The following ABCG2 variants were observed in gnomAD, a reference collection of about 807,000 sequenced individuals.
ABCG2 encodes broad substrate specificity ATP-binding cassette transporter ABCG2.
In ABCG2, 80 loss-of-function variants were observed where a neutral mutation model predicts 73.5. The ratio of observed to expected loss-of-function variants is 1.09; its 90% CI spans 0.91 to 1.31. ABCG2 has a LOEUF of 1.31. ABCG2 is among the 50% of genes most tolerant of loss of function. The pLI, the probability that ABCG2 is intolerant of heterozygous loss-of-function variation, is 0.00. For synonymous variants in ABCG2, 269 were observed against 282.4 expected (o/e 0.95, Z 0.48); for missense variants, 796 against 786.2 (o/e 1.01, Z -0.15).
At chr4:88,213,982 C>CTTTTTTTTTTTT (rs33984842) in intron 1 of ABCG2, among the ~76,000 whole-genome samples, 1 of 59,622 alleles carries the variant, frequency 1.7e-5, no homozygotes, top group Non-Finnish European at 3.0e-5. Flanking sequence ...CACGCCCGGC[C>CTTTTTTTTTTTT]TTTTTTTTTT....
chr4:88,210,595 C>T (rs200808188), intron 1 of ABCG2, among the ~76,000 whole-genome samples: 1 of 146,258 alleles, frequency 6.8e-6, no homozygotes, highest in East Asian at 2.0e-4. Context: ...TTTTTCTTTT[C>T]TTTTTTTTTT....
intron 1 of ABCG2, among the ~76,000 whole-genome samples, chr4:88,223,219 C>T (rs2110132289): frequency 6.6e-6 from 1 of 152,226 alleles, no homozygotes; most frequent in South Asian, 2.1e-4. Context: ...TGAGTTAAGA[C>T]TTTGGGGGAC....
chr4:88,151,463 G>T (rs1348587065), intron 1 of ABCG2, among the ~76,000 whole-genome samples: 1 of 152,214 alleles, frequency 6.6e-6, no homozygotes, highest in Non-Finnish European at 1.5e-5. Context: ...CAGAGGCTGG[G>T]TGCAGTGGCT....
chr4:88,173,239 G>A (rs1486444565), intron 1 of ABCG2, among the ~76,000 whole-genome samples: 1 of 152,056 alleles, frequency 6.6e-6, no homozygotes, highest in Non-Finnish European at 1.5e-5. Flanking sequence ...TCAACTAGTG[G>A]CCAATCTTTG....
At chr4:88,139,578 T>C (rs1725482177) in intron 2 of ABCG2, among the ~76,000 whole-genome samples, 1 of 152,186 alleles carries the variant, frequency 6.6e-6, no homozygotes, top group South Asian at 2.1e-4. Flanking sequence ...TTTAAAAAAG[T>C]CTGGCAGTTA....
intron 1 of ABCG2, among the ~76,000 whole-genome samples, chr4:88,208,914 A>C (rs1042742558): frequency 6.6e-6 from 1 of 152,340 alleles, no homozygotes; most frequent in Admixed American, 6.5e-5. Flanking sequence ...AATTGGTCTT[A>C]ACCAATTAAC....
chr4:88,150,702 A>G (rs901821616), intron 1 of ABCG2, among the ~76,000 whole-genome samples: 1 of 152,226 alleles, frequency 6.6e-6, no homozygotes, highest in Non-Finnish European at 1.5e-5. Flanking sequence ...AAGAAAGTTT[A>G]CTAATTTGTG....
chr4:88,152,157 C>T (rs1726539039), intron 1 of ABCG2, among the ~76,000 whole-genome samples: 1 of 152,136 alleles, frequency 6.6e-6, no homozygotes, highest in Admixed American at 6.5e-5. Flanking sequence ...CTCACATATG[C>T]ATTATTTGTT....
intron 1 of ABCG2, among the ~76,000 whole-genome samples, chr4:88,177,572 C>T (rs961389824): frequency 5.3e-5 from 8 of 152,058 alleles, no homozygotes; most frequent in Admixed American, 2.0e-4. Context: ...CAAATTGAAC[C>T]ACTATCTACC....
intron 1 of ABCG2, among the ~76,000 whole-genome samples, chr4:88,230,730 C>CA (rs1730433621): frequency 6.6e-6 from 1 of 151,974 alleles, no homozygotes; most frequent in Non-Finnish European, 1.5e-5. Context: ...TCCAAAAATG[C>CA]AAAAAACTGA....
intron 9 of ABCG2, among the ~76,000 whole-genome samples, chr4:88,113,079 C>G (rs2622622): frequency 0.25 from 37,400 of 152,080 alleles, 5,290 homozygotes; most frequent in South Asian, 0.34. Context: ...CCACCACACT[C>G]CAGCCTGGGC....
At chr4:88,230,308 T>TATATATATATATATATATATATATA (rs746680651) in intron 1 of ABCG2, among the ~76,000 whole-genome samples, 1,540 of 95,594 alleles carry the variant, frequency 0.016, 108 homozygotes, top group Middle Eastern at 0.032. Flanking sequence ...TATATATATA[T>TATATATATATATATATATATATATA]TTTTTTTTTT....
At chr4:88,186,146 T>C (rs1728446118) in intron 1 of ABCG2, among the ~76,000 whole-genome samples, 1 of 152,054 alleles carries the variant, frequency 6.6e-6, no homozygotes, top group Non-Finnish European at 1.5e-5. Context: ...ATAAAGAAAA[T>C]ATGCTACTTA....
intron 1 of ABCG2, among the ~76,000 whole-genome samples, chr4:88,165,867 C>T (rs552541775): frequency 2.2e-4 from 33 of 151,040 alleles, no homozygotes; most frequent in Non-Finnish European, 4.6e-4. Flanking sequence ...GAGTGAGACT[C>T]CATCTCAAAA....
At position 88,118,126 on chromosome 4, in the gene ABCG2, C is replaced by T. The variant is rs2110016048; in HGVS notation, c.824G>A (p.Gly275Glu). The T allele has an allele frequency of 6.2e-7, 1 of 1,613,510 alleles. No homozygotes were observed. The highest frequency in any genetic ancestry group is 8.5e-7 in the Non-Finnish European group (1 of 1,179,818). Residue 275 changes from glycine (G) to glutamate (E), a missense_variant, in exon 7 of 16, where the codon GGA becomes GAA. Gly to Glu is a moderately conservative substitution (Grantham distance 98). Coordinates refer to ENST00000237612, the MANE Select transcript of ABCG2 (RefSeq NM_004827.3). ...MFHGPAQEAL[G>E]YFESAGYHCE... ...AACCATACCAGCTGATTCAAAGTAT[C>T]CCAAGGCCTCCTGAGCAGGCCCGTG...
intron 1 of ABCG2, among the ~76,000 whole-genome samples, chr4:88,146,192 C>T (rs1310726290): frequency 1.3e-5 from 2 of 152,064 alleles, no homozygotes; most frequent in African/African-American, 4.8e-5. Context: ...AACAACGTAT[C>T]GCTGTTAGGT....
rs142334415 is a variant in ABCG2 at position 88,119,880 on chromosome 4, C to T, written c.690-1620G>A. 1.6e-3 allele frequency among the ~76,000 whole-genome samples: 238 copies of T among 152,268 alleles called. No individual in the cohort carries two copies. In the East Asian group the frequency reaches 0.03, roughly 19 times the overall value. On this transcript the variant is annotated intron_variant, in intron 6 of 15. Coordinates refer to ENST00000237612, the MANE Select transcript of ABCG2 (RefSeq NM_004827.3). The stretch of plus-strand genomic sequence containing the variant: ...TGATGATGCGATAAAAAAGAAAAAC[C>T]CATTTTCTGAAGAGAAATTCAAGCC...
At chr4:88,107,390 C>T (rs117761897) in intron 9 of ABCG2, 124 bp from the exon 10 acceptor site, 1 of 637,986 alleles carries the variant, frequency 1.6e-6, no homozygotes, top group East Asian at 3.1e-5. Context: ...GATAAACACT[C>T]AATGGCTTGG....
intron 10 of ABCG2, among the ~76,000 whole-genome samples, chr4:88,106,131 G>A (rs544243687): frequency 6.6e-6 from 1 of 152,148 alleles, no homozygotes; most frequent in Admixed American, 6.6e-5. Flanking sequence ...AACTAAAATA[G>A]GGTTTTTTTT....
Sources: allele counts gnomAD v4.1 joint callset (sites outside exome capture counted in the v4.1 genomes callset), GRCh38; gene constraint gnomAD v4.1.1; transcripts MANE v1.5; gene names NCBI Gene and HGNC (gene_info 2026-07-23, HGNC 2026-07-21).